COBLL1: variants seen among roughly 807,000 people sequenced by gnomAD.
The protein encoded by COBLL1 is cordon-bleu protein-like 1.
In COBLL1, 50 loss-of-function variants were observed where a neutral mutation model predicts 94.8. That is an observed-to-expected ratio of 0.53 (90% confidence interval 0.42 to 0.67). The LOEUF is 0.67. Ranked by LOEUF, COBLL1 falls within the 30% of genes least tolerant of loss-of-function variation. The pLI, the probability that COBLL1 is intolerant of heterozygous loss-of-function variation, is 0.00. For missense variants in COBLL1, 1,362 were observed against 1,348.7 expected (o/e 1.01, Z -0.15); for synonymous variants, 448 against 473.8 (o/e 0.95, Z 0.71).
intron 10 of COBLL1, 120 bp downstream of exon 10, chr2:164,700,402 G>A: frequency 1.6e-6 from 1 of 612,142 alleles, no homozygotes; most frequent in South Asian, 2.3e-5. Flanking sequence ...ATGGTAAAAA[G>A]GATAAAGTCA....
chr2:164,722,984 G>A (rs1378625498), intron 5 of COBLL1: 1 of 152,248 alleles, frequency 6.6e-6, no homozygotes, highest in Non-Finnish European at 1.5e-5. Context: ...TAATTGCTCA[G>A]TACTTTGTTA....
intron 2 of COBLL1, among the ~76,000 whole-genome samples, chr2:164,808,030 G>A (rs2105334160): frequency 6.6e-6 from 1 of 152,208 alleles, no homozygotes; most frequent in South Asian, 2.1e-4. Flanking sequence ...ATGTTCACCA[G>A]GCTGGTCTTA....
chr2:164,679,827 T>C (rs557482100), downstream of COBLL1, among the ~76,000 whole-genome samples: 5 of 151,808 alleles, frequency 3.3e-5, no homozygotes, highest in Admixed American at 3.3e-4. Context: ...AAGAGAAATA[T>C]CTAATGTAGA....
intron 2 of COBLL1, chr2:164,840,864 T>G: frequency 3.7e-5 from 12 of 328,732 alleles, no homozygotes; most frequent in Middle Eastern, 8.0e-4. Context: ...AAGGGTCCCT[T>G]TGTTACAATT....
Position 164,705,108 on chromosome 2 carries a change from G to T in COBLL1, c.997-3C>A. 1 of 1,499,738 alleles carries T rather than the reference G, an allele frequency of 6.7e-7. No homozygotes were observed. Among genetic ancestry groups the T allele is most frequent in the South Asian group, 1.4e-5 (1 of 72,560 alleles). 92.9% of individuals were successfully genotyped at this position (1,499,738 alleles called of 1,614,324 possible). On this transcript the variant is annotated splice_polypyrimidine_tract_variant and splice_region_variant and intron_variant, in intron 7 of 13. Transcript: ENST00000652658. ...ACTCTTCCTGCTTCACAGGGACTCT[G>T]GAAAACAAAATGACCAAATAAAATC...
At chr2:164,823,360 G>C (rs1020449780) in intron 2 of COBLL1, among the ~76,000 whole-genome samples, 1 of 152,046 alleles carries the variant, frequency 6.6e-6, no homozygotes, top group Non-Finnish European at 1.5e-5. Flanking sequence ...TCTTAGAATG[G>C]GTTATTGATT....
chr2:164,703,292 A>G (rs899385608), intron 9 of COBLL1: 2 of 906,870 alleles, frequency 2.2e-6, no homozygotes, highest in Non-Finnish European at 3.5e-6. Context: ...ACCAAGAAGC[A>G]TTTTGGAAGA....
chr2:164,686,560 GTGAC>G (rs1422813708), intron 13 of COBLL1, among the ~76,000 whole-genome samples: 3 of 150,892 alleles, frequency 2.0e-5, no homozygotes, highest in African/African-American at 7.3e-5. Flanking sequence ...ATTAAAATCT[GTGAC>G]TGTTAAGCCA....
intron 2 of COBLL1, among the ~76,000 whole-genome samples, chr2:164,744,255 C>T (rs962133701): frequency 4.6e-5 from 7 of 152,134 alleles, no homozygotes; most frequent in African/African-American, 1.7e-4. Flanking sequence ...GTATCTCACT[C>T]TCATTTCACA....
intron 2 of COBLL1, among the ~76,000 whole-genome samples, chr2:164,760,183 A>G (rs1687610487): frequency 6.6e-6 from 1 of 152,208 alleles, no homozygotes; most frequent in Non-Finnish European, 1.5e-5. Flanking sequence ...AAAAACTATG[A>G]TGCATCCATA....
intron 2 of COBLL1, among the ~76,000 whole-genome samples, chr2:164,762,782 C>T (rs926884345): frequency 6.0e-5 from 9 of 151,040 alleles, no homozygotes; most frequent in Non-Finnish European, 1.2e-4. Context: ...CTGCAAGCTC[C>T]GCCTCCAGGG....
rs556157051 is a variant in COBLL1 at position 164,804,644 on chromosome 2, C to T, written c.41+36512G>A. ...AACTTTGCTATTTTCTTGTGGTTCA[C>T]TGGTGCTTGCATTTTCACTGTATTC... is the stretch of plus-strand genomic sequence containing the variant. On this transcript the variant is annotated intron_variant, in intron 2 of 13. Transcript: ENST00000652658. 3.3e-5 allele frequency among the ~76,000 whole-genome samples: 5 copies of T among 152,320 alleles called. No homozygotes were observed. The South Asian group carries it at 1.0e-3, about 32-fold the overall frequency.
At chr2:164,660,703 C>T (rs1421381050) in intron 2 of COBLL1, among the ~76,000 whole-genome samples, 1 of 152,070 alleles carries the variant, frequency 6.6e-6, no homozygotes, top group African/African-American at 2.4e-5. Flanking sequence ...GAAAATGATA[C>T]AAAAAGCAGC....
In COBLL1 at chr2:164,737,624, AT is replaced by A. The variant is rs530121286; in HGVS notation, c.230+6062del. Among the ~76,000 whole-genome samples, 96 of 152,218 alleles carry A rather than the reference AT, an allele frequency of 6.3e-4. 1 individual carries two copies. Among genetic ancestry groups the A allele is most frequent in the African/African-American group, 2.2e-3 (93 of 41,554 alleles). The stretch of plus-strand genomic sequence containing the variant: ...AAAAATTACCCTGCTATAAACATAT[AT>A]TTATCACACATTTGTCATCACTGGA... On this transcript the variant is annotated intron_variant, in intron 3 of 13. Coordinates refer to ENST00000652658, the MANE Select transcript of COBLL1 (RefSeq NM_001365672.2).
intron 7 of COBLL1, among the ~76,000 whole-genome samples, chr2:164,716,041 T>C (rs1251207902): frequency 1.3e-5 from 2 of 152,198 alleles, no homozygotes; most frequent in Admixed American, 1.3e-4. Flanking sequence ...CTTATTCAAA[T>C]GTAAAATCAG....
chr2:164,781,535 C>T (rs541745164), intron 2 of COBLL1, among the ~76,000 whole-genome samples: 4 of 152,292 alleles, frequency 2.6e-5, no homozygotes, highest in Admixed American at 2.6e-4. Context: ...TCCCCTTTCT[C>T]ACAATCCACA....
At chr2:164,753,897 A>G (rs1237770609) in intron 2 of COBLL1, among the ~76,000 whole-genome samples, 3 of 151,908 alleles carry the variant, frequency 2.0e-5, no homozygotes, top group Non-Finnish European at 4.4e-5. Flanking sequence ...ATTCATTACC[A>G]TGCCCAGCTA....
intron 2 of COBLL1, among the ~76,000 whole-genome samples, chr2:164,818,103 C>CAT (rs146217759): frequency 1.3e-5 from 2 of 151,194 alleles, no homozygotes; most frequent in Non-Finnish European, 1.5e-5. Context: ...TATATACACA[C>CAT]ATATATACAC....
At chr2:164,797,649 C>A (rs116268413) in intron 2 of COBLL1, among the ~76,000 whole-genome samples, 2 of 152,126 alleles carry the variant, frequency 1.3e-5, no homozygotes, top group African/African-American at 4.8e-5. Context: ...TGAGGTATAA[C>A]TGAAATACCA....
Sources: gnomAD v4.1 joint callset for allele counts (sites outside exome capture counted in the v4.1 genomes callset) on GRCh38, gnomAD v4.1.1 for gene constraint, MANE v1.5 for transcripts, NCBI Gene and HGNC (gene_info 2026-07-23, HGNC 2026-07-21) for gene names.